The following ASTN2 variants were observed in gnomAD, a reference collection of about 807,000 sequenced individuals.
The protein encoded by ASTN2 is astrotactin-2.
ASTN2 carries 54 observed loss-of-function variants against 139.8 expected under a neutral mutation model. That is an observed-to-expected ratio of 0.39 (90% CI 0.31 to 0.48). ASTN2 has a LOEUF of 0.48. ASTN2 is among the 20% of genes least tolerant of loss of function. The pLI is 0.95. For missense variants in ASTN2, 1,565 were observed against 1,725.1 expected (o/e 0.91, Z 1.64); for synonymous variants, 756 against 719.5 (o/e 1.05, Z -0.81).
intron 1 of ASTN2, among the ~76,000 whole-genome samples, chr9:117,358,012 A>T (rs1829588968): frequency 6.6e-6 from 1 of 152,128 alleles, no homozygotes; most frequent in Non-Finnish European, 1.5e-5. Context: ...TTGTATATGT[A>T]AAGTTGAAGT....
chr9:116,637,741 C>T lies in ASTN2; in HGVS notation c.3072+13787G>A, dbSNP rs894674946. 2.6e-5 allele frequency among the ~76,000 whole-genome samples: 4 copies of T among 152,254 alleles called. No individual in the cohort carries two copies. In the East Asian group the frequency reaches 7.7e-4, roughly 29 times the overall value. ...ATTACTTGTGCCCAGCTGTTCAAGA[C>T]AAGCCTGGAAAACATGGCAAAACTC... On this transcript the variant is annotated intron_variant, in intron 17 of 22. Coordinates refer to ENST00000313400, the MANE Select transcript of ASTN2 (RefSeq NM_001365068.1).
At chr9:117,019,485 A>G (rs967071354) in intron 6 of ASTN2, among the ~76,000 whole-genome samples, 4 of 152,146 alleles carry the variant, frequency 2.6e-5, no homozygotes, top group African/African-American at 9.7e-5. Context: ...GGGCAATGTA[A>G]TAACAGGGAA....
At chr9:117,366,782 T>TC (rs1829856393) in intron 1 of ASTN2, among the ~76,000 whole-genome samples, 1 of 151,392 alleles carries the variant, frequency 6.6e-6, no homozygotes, top group Non-Finnish European at 1.5e-5. Flanking sequence ...CATCTTCTCT[T>TC]TTTTTTTTCT....
intron 7 of ASTN2, among the ~76,000 whole-genome samples, chr9:116,983,366 T>C (rs1386185529): frequency 6.6e-6 from 1 of 152,208 alleles, no homozygotes; most frequent in Admixed American, 6.5e-5. Flanking sequence ...TCATTGCATG[T>C]CACAGCCATG....
At chr9:116,544,469 T>A (rs1340914896) in intron 19 of ASTN2, among the ~76,000 whole-genome samples, 3 of 152,218 alleles carry the variant, frequency 2.0e-5, no homozygotes, top group African/African-American at 7.2e-5. Flanking sequence ...CCTTTGCTCC[T>A]TTAAAATTTT....
rs367852504 is a variant in ASTN2 at position 116,650,577 on chromosome 9, C to T, written c.3072+951G>A. Among the ~76,000 whole-genome samples the T allele has an allele frequency of 3.4e-4, 51 of 152,176 alleles. 2 individuals carry two copies. Among genetic ancestry groups the T allele is most frequent in the African/African-American group, 1.0e-3 (42 of 41,534 alleles). ...CAAATGTCAGCAATTTCATATGAAT[C>T]GAACCAATATATGTAAGTAAATCAC... is the stretch of plus-strand genomic sequence containing the variant. On this transcript the variant is annotated intron_variant, in intron 17 of 22. Transcript: ENST00000313400.
intron 11 of ASTN2, among the ~76,000 whole-genome samples, chr9:116,846,621 G>A (rs1037238421): frequency 9.9e-5 from 15 of 152,138 alleles, no homozygotes; most frequent in Non-Finnish European, 2.1e-4. Context: ...TCCCATTAGA[G>A]GAGTCCCACG....
At chr9:117,053,523 C>G (rs1302192235) in intron 5 of ASTN2, among the ~76,000 whole-genome samples, 1 of 152,078 alleles carries the variant, frequency 6.6e-6, no homozygotes, top group Non-Finnish European at 1.5e-5. Flanking sequence ...AAAAATGAAG[C>G]CTGGGGAGAT....
chr9:116,428,832 G>A (rs911413583), intron 22 of ASTN2, among the ~76,000 whole-genome samples: 3 of 152,040 alleles, frequency 2.0e-5, no homozygotes, highest in African/African-American at 7.2e-5. Flanking sequence ...AATAATAACT[G>A]TATCTACCAT....
intron 4 of ASTN2, among the ~76,000 whole-genome samples, chr9:117,132,316 G>A (rs1293428372): frequency 2.0e-5 from 3 of 152,170 alleles, no homozygotes; most frequent in Non-Finnish European, 2.9e-5. Flanking sequence ...AAGCCCAAAT[G>A]TTTTTATTGA....
At chr9:117,400,323 A>C (rs1407662379) in intron 1 of ASTN2, among the ~76,000 whole-genome samples, 1 of 152,230 alleles carries the variant, frequency 6.6e-6, no homozygotes, top group Non-Finnish European at 1.5e-5. Context: ...TTTCTCAGCC[A>C]TCAGTCTTTC....
At chr9:116,639,477 A>G (rs905756844) in intron 17 of ASTN2, among the ~76,000 whole-genome samples, 7 of 152,204 alleles carry the variant, frequency 4.6e-5, no homozygotes, top group African/African-American at 1.7e-4. Flanking sequence ...AGAAATAGAA[A>G]GAGAGTTGGA....
At chr9:117,145,897 T>C (rs1386241536) in intron 3 of ASTN2, among the ~76,000 whole-genome samples, 1 of 152,158 alleles carries the variant, frequency 6.6e-6, no homozygotes, top group Non-Finnish European at 1.5e-5. Context: ...TCTGTCTTCT[T>C]TCTTCTAAGC....
rs1372604359 is a variant in ASTN2, at chr9:117,165,255, T to C, written c.1016-23777A>G. On this transcript the variant is annotated intron_variant, in intron 3 of 22. Coordinates refer to ENST00000313400, the MANE Select transcript of ASTN2 (RefSeq NM_001365068.1). ...ACGAACACTTACAACATGCCTTGTATGATTTTAGTTCATTACAGTCAGTAC... is the reference window on the plus strand; with the variant it reads ...ACGAACACTTACAACATGCCTTGTACGATTTTAGTTCATTACAGTCAGTAC... 2.0e-5 allele frequency among the ~76,000 whole-genome samples: 3 copies of C among 152,258 alleles called. No homozygotes were observed. The East Asian group carries it at 5.8e-4, about 30-fold the overall frequency.
intron 5 of ASTN2, among the ~76,000 whole-genome samples, chr9:117,078,356 T>C (rs1453358828): frequency 6.6e-6 from 1 of 152,260 alleles, no homozygotes; most frequent in Non-Finnish European, 1.5e-5. Context: ...TCTGTCTCTA[T>C]ATTTTTATCC....
intron 21 of ASTN2, 101 bp downstream of exon 21, chr9:116,442,352 T>C (rs1228333191): frequency 7.8e-6 from 7 of 900,958 alleles, no homozygotes; most frequent in East Asian, 4.8e-5. Context: ...TGCCAGTGTG[T>C]CAGGGTGTGC....
At chr9:116,555,256 G>C (rs910799144) in intron 19 of ASTN2, among the ~76,000 whole-genome samples, 1 of 152,122 alleles carries the variant, frequency 6.6e-6, no homozygotes, top group Non-Finnish European at 1.5e-5. Flanking sequence ...GGGCCTATGT[G>C]TTCTTCGAGC....
In ASTN2 at chr9:116,838,311, T is replaced by C. The variant is rs900112101; in HGVS notation, c.2041-17528A>G. Among the ~76,000 whole-genome samples, 30 of 151,944 alleles carry C rather than the reference T, an allele frequency of 2.0e-4. No individual in the cohort carries two copies. The South Asian group carries it at 5.2e-3, about 26-fold the overall frequency. ...TTTAGTAGAGGCGGGGGTTTCTCCA[T>C]GTTGGTCAGGCTGGTCTCGAATTCC... On this transcript the variant is annotated intron_variant, in intron 11 of 22. Transcript: ENST00000313400.
chr9:116,762,687 T>C (rs933576928), intron 13 of ASTN2, among the ~76,000 whole-genome samples: 1 of 152,256 alleles, frequency 6.6e-6, no homozygotes, highest in African/African-American at 2.4e-5. Flanking sequence ...AATGAAGTTT[T>C]ATTGGAATGC....
Sources: allele counts gnomAD v4.1 joint callset (sites outside exome capture counted in the v4.1 genomes callset), GRCh38; gene constraint gnomAD v4.1.1; transcripts MANE v1.5; gene names NCBI Gene and HGNC (gene_info 2026-07-23, HGNC 2026-07-21).